SAMD5: variants seen among roughly 807,000 people sequenced by gnomAD.
SAMD5 encodes the protein sterile alpha motif domain-containing protein 5.
In SAMD5, 13 loss-of-function variants were observed where a neutral mutation model predicts 11.3. The observed-to-expected ratio is 1.15, with a 90% CI of 0.75 to 1.83. SAMD5 has a LOEUF of 1.83. Ranked by LOEUF, SAMD5 falls within the 40% of genes most tolerant of loss-of-function variation. SAMD5 has a pLI of 0.00. For synonymous variants in SAMD5, 129 were observed against 111.3 expected, an observed-to-expected ratio of 1.16 and a Z score of -1.00; for missense variants, 255 against 239.1, an observed-to-expected ratio of 1.07 and a Z score of -0.44.
chr6:147,622,346 C>T (rs1789983587), intron 1 of SAMD5, among the ~76,000 whole-genome samples: 1 of 152,178 alleles, frequency 6.6e-6, no homozygotes, highest in Non-Finnish European at 1.5e-5. Context: ...TTATATGTAT[C>T]ATTTTTATTT....
chr6:147,770,903 T>C, the SAMD5 span, among the ~76,000 whole-genome samples: 1 of 152,228 alleles, frequency 6.6e-6, no homozygotes, highest in African/African-American at 2.4e-5. Context: ...TAGTGATTGC[T>C]AGTGAAACTA....
the SAMD5 span, among the ~76,000 whole-genome samples, chr6:147,801,727 C>G: frequency 6.6e-6 from 1 of 152,146 alleles, no homozygotes; most frequent in African/African-American, 2.4e-5. Context: ...GGCCCAAAGA[C>G]AGAGGAGCCT....
At chr6:147,810,714 T>C in the SAMD5 span, among the ~76,000 whole-genome samples, 1 of 152,220 alleles carries the variant, frequency 6.6e-6, no homozygotes, top group Non-Finnish European at 1.5e-5. Context: ...GGCCAGGCAC[T>C]GTTCTGAGAA....
At chr6:147,610,895 A>G (rs1789773679) in intron 1 of SAMD5, among the ~76,000 whole-genome samples, 1 of 142,186 alleles carries the variant, frequency 7.0e-6, no homozygotes. Flanking sequence ...TTTGAGATGG[A>G]GTCTCACTCT....
chr6:147,676,385 G>A (rs1376954996), intron 1 of SAMD5, among the ~76,000 whole-genome samples: 4 of 151,948 alleles, frequency 2.6e-5, no homozygotes, highest in Non-Finnish European at 5.9e-5. Context: ...CATCTATTCA[G>A]TGGGGCTTTC....
At chr6:147,858,040 A>AT in the SAMD5 span, among the ~76,000 whole-genome samples, 3 of 152,158 alleles carry the variant, frequency 2.0e-5, no homozygotes. Context: ...TCTCAGAGGC[A>AT]TTTTTGTGGC....
the SAMD5 span, among the ~76,000 whole-genome samples, chr6:147,916,627 G>A: frequency 3.3e-5 from 5 of 151,774 alleles, no homozygotes; most frequent in East Asian, 5.9e-4. Flanking sequence ...ACATATGTAT[G>A]CAGGTGCCAT....
intron 1 of SAMD5, among the ~76,000 whole-genome samples, chr6:147,634,696 C>A (rs961234784): frequency 6.6e-6 from 1 of 152,160 alleles, no homozygotes; most frequent in Non-Finnish European, 1.5e-5. Context: ...CCCTACTAAG[C>A]TTTTATTTTT....
At chr6:147,684,493 C>T (rs960498112) in intron 1 of SAMD5, among the ~76,000 whole-genome samples, 1 of 152,074 alleles carries the variant, frequency 6.6e-6, no homozygotes, top group Non-Finnish European at 1.5e-5. Flanking sequence ...GTCATAGAGT[C>T]CTAAGTTGTA....
intron 1 of SAMD5, among the ~76,000 whole-genome samples, chr6:147,617,713 G>A (rs1055212261): frequency 3.9e-5 from 6 of 152,188 alleles, no homozygotes; most frequent in South Asian, 2.1e-4. Flanking sequence ...TTCTGGGAAT[G>A]CGCACAGGGC....
At chr6:147,807,207 C>T in the SAMD5 span, among the ~76,000 whole-genome samples, 1 of 152,112 alleles carries the variant, frequency 6.6e-6, no homozygotes, top group Non-Finnish European at 1.5e-5. Flanking sequence ...TCATGCCATT[C>T]TCCTACCTCA....
At chr6:147,820,300 G>A in the SAMD5 span, among the ~76,000 whole-genome samples, 9 of 152,038 alleles carry the variant, frequency 5.9e-5, no homozygotes, top group Non-Finnish European at 7.4e-5. Context: ...ATATCCAAAC[G>A]TTAAAAAGAA....
At chr6:147,681,534 T>A (rs754987319) in intron 1 of SAMD5, among the ~76,000 whole-genome samples, 1 of 152,206 alleles carries the variant, frequency 6.6e-6, no homozygotes, top group Non-Finnish European at 1.5e-5. Flanking sequence ...TGATTCCGAT[T>A]GATTATTTTT....
chr6:147,551,824 A>T (rs972489671), intron 1 of SAMD5, among the ~76,000 whole-genome samples: 13 of 145,834 alleles, frequency 8.9e-5, no homozygotes, highest in Non-Finnish European at 1.7e-4. Context: ...ATATATATAT[A>T]TATATATATA....
At chr6:147,898,067 A>T in the SAMD5 span, among the ~76,000 whole-genome samples, 1 of 150,378 alleles carries the variant, frequency 6.6e-6, no homozygotes, top group Non-Finnish European at 1.5e-5. Flanking sequence ...ATCACAGCTG[A>T]GGGCCTGGTA....
At chr6:147,793,321 C>T in the SAMD5 span, among the ~76,000 whole-genome samples, 1 of 152,158 alleles carries the variant, frequency 6.6e-6, no homozygotes, top group African/African-American at 2.4e-5. Context: ...CTAACTAGTA[C>T]TTCTTAAAAC....
In SAMD5 at chr6:147,612,123, C is replaced by G. The variant is rs117166996; in HGVS notation, c.162+102736C>G. 1.3e-3 allele frequency among the ~76,000 whole-genome samples: 205 copies of G among 152,214 alleles called. 2 individuals are homozygous for G. In the East Asian group the frequency reaches 0.037, roughly 27 times the overall value. On this transcript the variant is annotated intron_variant, in intron 1 of 1. Transcript: ENST00000566741. ...GATCATATTATGGCCTAGTTGCTGT[C>G]CAGTGAATAGGTGGATTTATCTTGG...
rs183599012 is a variant in SAMD5, at chr6:147,536,425, A to C, written c.459+27038A>C. Among the ~76,000 whole-genome samples the C allele has an allele frequency of 2.4e-4, 36 of 152,362 alleles. No individual in the cohort carries two copies. In the East Asian group the frequency reaches 6.7e-3, roughly 29 times the overall value. On this transcript the variant is annotated intron_variant, in intron 1 of 1. Transcript: ENST00000367474. The stretch of plus-strand genomic sequence containing the variant: ...AGTTTTGTTTACAGGAGCATATTTT[A>C]CTTGTTAAAAGTTGCAAATAGCTTT...
the SAMD5 span, among the ~76,000 whole-genome samples, chr6:147,774,456 G>C: frequency 6.6e-6 from 1 of 151,912 alleles, no homozygotes; most frequent in East Asian, 1.9e-4. Flanking sequence ...AAAATGGCAT[G>C]GTATTTTCAT....
Sources: gnomAD v4.1 joint callset for allele counts (sites outside exome capture counted in the v4.1 genomes callset) on GRCh38, gnomAD v4.1.1 for gene constraint, MANE v1.5 for transcripts, NCBI Gene and HGNC (gene_info 2026-07-23, HGNC 2026-07-21) for gene names.